Variants in RSPO2 observed in about 807,000 individuals in gnomAD.
The protein encoded by RSPO2 is R-spondin-2.
Under a neutral mutation model 30.9 loss-of-function variants are expected in RSPO2, and 14 were observed. That is an observed-to-expected ratio of 0.45 (90% confidence interval 0.30 to 0.71). The LOEUF (loss-of-function observed/expected upper bound fraction) is 0.71. Ranked by LOEUF, RSPO2 falls within the 30% of genes least tolerant of loss-of-function variation. RSPO2 has a pLI of 0.08. For missense variants in RSPO2, 264 were observed against 301.9 expected, an observed-to-expected ratio of 0.87 and a Z score of 0.93; for synonymous variants, 107 against 96.4, an observed-to-expected ratio of 1.11 and a Z score of -0.64.
intron 2 of RSPO2, among the ~76,000 whole-genome samples, chr8:108,008,208 A>T (rs1192881169): frequency 6.6e-6 from 1 of 152,110 alleles, no homozygotes; most frequent in East Asian, 1.9e-4. Context: ...ATCTGCACCA[A>T]TTTTTTCCCT....
intron 5 of RSPO2, among the ~76,000 whole-genome samples, chr8:107,926,332 T>G (rs1459865071): frequency 6.6e-6 from 1 of 152,126 alleles, no homozygotes; most frequent in South Asian, 2.1e-4. Flanking sequence ...TTGCAAAAAT[T>G]TTCTCCTATT....
At chr8:108,031,241 G>A (rs762376929) in intron 2 of RSPO2, among the ~76,000 whole-genome samples, 3 of 152,154 alleles carry the variant, frequency 2.0e-5, no homozygotes, top group Admixed American at 6.6e-5. Flanking sequence ...TATAAAGAGG[G>A]TACTTAAAAG....
At chr8:107,940,029 C>T (rs1306963639) in intron 5 of RSPO2, among the ~76,000 whole-genome samples, 1 of 152,046 alleles carries the variant, frequency 6.6e-6, no homozygotes. Context: ...TAGACTGCAG[C>T]CACCCTAGAT....
At chr8:108,009,290 A>C (rs1810617189) in intron 2 of RSPO2, among the ~76,000 whole-genome samples, 6 of 152,210 alleles carry the variant, frequency 3.9e-5, no homozygotes. Context: ...AGCTGAAAGA[A>C]TTGGATAAAT....
chr8:107,993,862 T>G (rs1355431032), intron 2 of RSPO2, among the ~76,000 whole-genome samples: 1 of 152,152 alleles, frequency 6.6e-6, no homozygotes, highest in Non-Finnish European at 1.5e-5. Flanking sequence ...GTCTTATGCC[T>G]TCTTCTCTTG....
chr8:107,923,460 C>T, intron 5 of RSPO2, among the ~76,000 whole-genome samples: 1 of 152,124 alleles, frequency 6.6e-6, no homozygotes, highest in African/African-American at 2.4e-5. Context: ...CATTTATACA[C>T]TGTTGGTGGG....
At chr8:107,952,111 A>T (rs951217375) in intron 5 of RSPO2, among the ~76,000 whole-genome samples, 4 of 152,158 alleles carry the variant, frequency 2.6e-5, no homozygotes, top group Admixed American at 1.3e-4. Flanking sequence ...ATTCCTCTTA[A>T]GATTCTGTTC....
intron 2 of RSPO2, among the ~76,000 whole-genome samples, chr8:108,032,041 T>C (rs189706682): frequency 2.6e-5 from 4 of 152,348 alleles, no homozygotes; most frequent in Non-Finnish European, 5.9e-5. Context: ...GCTACAGCTA[T>C]GGCTGGACCA....
chr8:107,904,052 A>G (rs1037852105), intron 5 of RSPO2, among the ~76,000 whole-genome samples: 1 of 152,122 alleles, frequency 6.6e-6, no homozygotes, highest in Non-Finnish European at 1.5e-5. Flanking sequence ...AGAAATCGGT[A>G]AGATTAAAGC....
At chr8:108,068,084 A>G (rs1337556742) in intron 2 of RSPO2, among the ~76,000 whole-genome samples, 1 of 152,192 alleles carries the variant, frequency 6.6e-6, no homozygotes, top group South Asian at 2.1e-4. Context: ...CAAACAAAAA[A>G]AAAACAGCTA....
At chr8:107,975,733 C>G (rs1814182959) in intron 3 of RSPO2, among the ~76,000 whole-genome samples, 1 of 152,118 alleles carries the variant, frequency 6.6e-6, no homozygotes, top group South Asian at 2.1e-4. Context: ...CTGGTGAGGT[C>G]ACATTTTTTA....
chr8:107,999,177 AT>A lies in RSPO2; in HGVS notation c.95-9934del, dbSNP rs1296782476. On this transcript the variant is annotated intron_variant, in intron 2 of 5. Transcript: ENST00000276659. ...GAGAAGCATTAACTTTGAGAAACTCATATTAATTTATCTAACAATATTATTT... is the reference window on the plus strand; with the variant it reads ...GAGAAGCATTAACTTTGAGAAACTCAATTAATTTATCTAACAATATTATTT... Among the ~76,000 whole-genome samples, 6 of 151,970 alleles carry A rather than the reference AT, an allele frequency of 3.9e-5. 1 individual carries two copies. Among genetic ancestry groups the A allele is most frequent in the African/African-American group, 1.5e-4 (6 of 41,278 alleles).
intron 2 of RSPO2, among the ~76,000 whole-genome samples, chr8:108,054,824 C>T (rs114366226): frequency 0.026 from 3,985 of 152,142 alleles, 162 homozygotes; most frequent in African/African-American, 0.088. Flanking sequence ...CTACAGAAAA[C>T]GGAAAAGGGC....
At position 107,960,668 on chromosome 8, in the gene RSPO2, A is replaced by G; in HGVS notation, c.427+6T>C. 3 of 1,605,346 alleles carry G rather than the reference A, an allele frequency of 1.9e-6. No homozygotes were observed. Among genetic ancestry groups the G allele is most frequent in the South Asian group, 2.3e-5 (2 of 87,994 alleles). On this transcript the variant is annotated splice_donor_region_variant and intron_variant, in intron 4 of 5. Coordinates refer to ENST00000276659, the MANE Select transcript of RSPO2 (RefSeq NM_178565.5). Reference sequence around the variant, plus strand: ...CAGATTGAGAGTTACATTAAAAACTACTCACCCACACATTCCATGGTTTCT... The same window carrying G: ...CAGATTGAGAGTTACATTAAAAACTGCTCACCCACACATTCCATGGTTTCT...
intron 2 of RSPO2, among the ~76,000 whole-genome samples, chr8:108,033,169 G>C (rs775352743): frequency 6.6e-6 from 1 of 151,656 alleles, no homozygotes; most frequent in Non-Finnish European, 1.5e-5. Flanking sequence ...TCAAAGTGTG[G>C]ATATTACAAG....
chr8:107,973,697 C>G (rs999513662), intron 3 of RSPO2, among the ~76,000 whole-genome samples: 2 of 152,136 alleles, frequency 1.3e-5, no homozygotes, highest in African/African-American at 4.8e-5. Flanking sequence ...TTTTCTCCAG[C>G]CCCTGAAAGG....
At chr8:107,988,547 G>A (rs1296931729) in intron 3 of RSPO2, among the ~76,000 whole-genome samples, 2 of 151,960 alleles carry the variant, frequency 1.3e-5, no homozygotes, top group African/African-American at 4.8e-5. Context: ...GTGTGTATGT[G>A]GAATTGTGTC....
chr8:107,983,072 G>A, intron 3 of RSPO2: 1 of 1,292,634 alleles, frequency 7.7e-7, no homozygotes, highest in Non-Finnish European at 1.1e-6. Context: ...ATGTTCCCTG[G>A]CACCACTACT....
At chr8:108,049,402 A>G (rs924752971) in intron 2 of RSPO2, among the ~76,000 whole-genome samples, 1 of 151,710 alleles carries the variant, frequency 6.6e-6, no homozygotes, top group Non-Finnish European at 1.5e-5. Context: ...TTAAAAAAAA[A>G]TTACTTTAGA....
Sources: allele counts gnomAD v4.1 joint callset (sites outside exome capture counted in the v4.1 genomes callset), GRCh38; gene constraint gnomAD v4.1.1; transcripts MANE v1.5; gene names NCBI Gene and HGNC (gene_info 2026-07-23, HGNC 2026-07-21).